SLF1: variants seen among roughly 807,000 people sequenced by gnomAD.
The protein encoded by SLF1 is SMC5/6 complex localization factor 1, also known as SMC5-SMC6 complex localization factor protein 1.
SLF1 carries 105 observed loss-of-function variants against 123.0 expected under a neutral mutation model. That is an observed-to-expected ratio of 0.85 (90% CI 0.73 to 1.00). The LOEUF (loss-of-function observed/expected upper bound fraction) is 1.00, where lower values mean the gene tolerates loss of function less well. SLF1 is among the 50% of genes least tolerant of loss of function. The pLI is 0.00. For synonymous variants in SLF1, 434 were observed against 406.6 expected (o/e 1.07, Z -0.81); for missense variants, 1,239 against 1,223.0 (o/e 1.01, Z -0.20).
At chr5:94,685,996 G>T (rs1022313988) in intron 15 of SLF1, among the ~76,000 whole-genome samples, 1 of 151,478 alleles carries the variant, frequency 6.6e-6, no homozygotes, top group African/African-American at 2.4e-5. Context: ...TCTTTACCTT[G>T]TGCCTTTCTT....
intron 8 of SLF1, 45 bp from the exon 9 acceptor site, chr5:94,654,585 G>A: frequency 6.9e-7 from 1 of 1,458,056 alleles, no homozygotes; most frequent in Non-Finnish European, 9.2e-7. Context: ...TGTTGACACT[G>A]TCTTTAGTAC....
rs1242462396 is a variant in SLF1 at position 94,628,849 on chromosome 5, A to G, written c.39A>G (p.Thr13=). 1 of 1,549,926 alleles carries G rather than the reference A, an allele frequency of 6.5e-7. No homozygotes were observed. The highest frequency in any genetic ancestry group is 2.0e-5 in the Admixed American group (1 of 50,656). ...CCCCAAAGCATATCATCCAGATGAC[A>G]GGATTTAAGATGGAAGAAAAAGAAG... ...DGTPKHIIQM[T]GFKMEEKEAL... Residue 13 remains threonine (T), a synonymous_variant, in exon 2 of 21, where the codon ACA becomes ACG. Coordinates refer to ENST00000265140, the MANE Select transcript of SLF1 (RefSeq NM_032290.4).
chr5:94,668,332 A>C (rs1240865866), intron 12 of SLF1, among the ~76,000 whole-genome samples: 1 of 151,292 alleles, frequency 6.6e-6, no homozygotes, highest in Non-Finnish European at 1.5e-5. Flanking sequence ...TTGTGGTTGT[A>C]GTTTGTTTGT....
intron 12 of SLF1, among the ~76,000 whole-genome samples, chr5:94,669,710 AGT>A (rs1554067858): frequency 6.6e-6 from 1 of 151,784 alleles, no homozygotes; most frequent in East Asian, 1.9e-4. Context: ...ACGCTAAAAA[AGT>A]AGCCCTAAAT....
At chr5:94,681,362 C>T (rs1339068932) in intron 15 of SLF1, among the ~76,000 whole-genome samples, 2 of 152,146 alleles carry the variant, frequency 1.3e-5, no homozygotes, top group African/African-American at 4.8e-5. Flanking sequence ...AAACTCCAGA[C>T]CTCAGGTGAT....
chr5:94,633,237 T>C (rs1745406972), intron 4 of SLF1, among the ~76,000 whole-genome samples: 1 of 152,172 alleles, frequency 6.6e-6, no homozygotes, highest in Admixed American at 6.5e-5. Context: ...TCCGCCCACC[T>C]CGGCCTCCCA....
At position 94,696,079 on chromosome 5, in the gene SLF1, ATTAT is replaced by A. The variant is rs552824157; in HGVS notation, c.*771_*774del. 1.4e-4 allele frequency: 21 copies of A among 151,914 alleles called. No homozygotes were observed. Among genetic ancestry groups the A allele is most frequent in the African/African-American group, 5.1e-4 (21 of 41,512 alleles). 9.4% of individuals were successfully genotyped at this position (151,914 alleles called of 1,614,324 possible). On this transcript the variant is annotated 3_prime_UTR_variant, in exon 21 of 21. Coordinates refer to ENST00000265140, the MANE Select transcript of SLF1 (RefSeq NM_032290.4). ...GTGGCATCTAAGTAATAGATTTGAG[ATTAT>A]TTAAGATCTTAATATATAGTATGAA...
chr5:94,666,221 A>C (rs1749735906), intron 12 of SLF1, among the ~76,000 whole-genome samples, 197 bp downstream of exon 12: 1 of 152,190 alleles, frequency 6.6e-6, no homozygotes, highest in Non-Finnish European at 1.5e-5. Context: ...TCTGTTTCCT[A>C]AAAAAATAAA....
At chr5:94,629,344 A>G (rs1744954531) in intron 3 of SLF1, among the ~76,000 whole-genome samples, 177 bp downstream of exon 3, 2 of 152,138 alleles carry the variant, frequency 1.3e-5, no homozygotes, top group East Asian at 1.9e-4. Context: ...AAATTTTGTA[A>G]CACATGAAAA....
Position 94,654,678 on chromosome 5 carries a change from G to A in SLF1, c.1081G>A (p.Ala361Thr). 1 of 1,545,050 alleles carries A rather than the reference G, an allele frequency of 6.5e-7. No homozygotes were observed. The highest frequency in any genetic ancestry group is 1.2e-5 in the South Asian group (1 of 83,136). Reference protein sequence around the residue: ...IFAEYAKESKAMAIKTDVDVV... With the variant: ...IFAEYAKESKTMAIKTDVDVV... ...TGCTGAATATGCCAAAGAATCAAAA[G>A]CCATGGCTATTAAGACAGATGTGGA... Residue 361 changes from alanine (A) to threonine (T), a missense_variant, in exon 9 of 21, where the codon GCC (alanine) becomes ACC (threonine). Physicochemically the swap from Ala to Thr is moderately conservative, Grantham distance 58 (BLOSUM62 0). Transcript: ENST00000265140.
chr5:94,628,196 A>T (rs531519625), intron 1 of SLF1, among the ~76,000 whole-genome samples: 20 of 151,880 alleles, frequency 1.3e-4, no homozygotes, highest in Non-Finnish European at 2.4e-4. Context: ...CCCAGGCTGG[A>T]GTGCAGTGGC....
At position 94,657,335 on chromosome 5, in the gene SLF1, C is replaced by T. The variant is rs1052135636; in HGVS notation, c.1155+2583C>T. On this transcript the variant is annotated intron_variant, in intron 9 of 20. Coordinates refer to ENST00000265140, the MANE Select transcript of SLF1 (RefSeq NM_032290.4). Reference sequence around the variant, plus strand: ...GTTTAGGAACATGTGATTTTATTTACGTGTATTTGTACAGTTTCCAAAGTT... The same window carrying T: ...GTTTAGGAACATGTGATTTTATTTATGTGTATTTGTACAGTTTCCAAAGTT... Among the ~76,000 whole-genome samples, 37 of 151,986 alleles carry T rather than the reference C, an allele frequency of 2.4e-4. 1 individual carries two copies. The highest frequency in any genetic ancestry group is 7.9e-4 in the African/African-American group (33 of 41,514).
chr5:94,630,597 A>G lies in SLF1; in HGVS notation c.285A>G (p.Glu95=). The change falls in exon 4 of 21, where the codon GAA becomes GAG. Residue 95 remains glutamate, a synonymous_variant. Transcript: ENST00000265140. Reference sequence around the variant, plus strand: ...CTTATGAATGGGGATATAAAATTGAAAAAGATTCCCGTTATTCACCTCAAA... The same window carrying G: ...CTTATGAATGGGGATATAAAATTGAGAAAGATTCCCGTTATTCACCTCAAA... ...ETTYEWGYKI[E]KDSRYSPQMQ... is the part of the protein sequence containing the mutation. 6.4e-7 allele frequency: 1 copy of G among 1,551,708 alleles called. No individual in the cohort carries two copies. Among genetic ancestry groups the G allele is most frequent in the Non-Finnish European group, 8.7e-7 (1 of 1,146,994 alleles).
chr5:94,643,195 G>T (rs1746643409), intron 4 of SLF1, 78 bp from the exon 5 acceptor site: 3 of 1,192,886 alleles, frequency 2.5e-6, no homozygotes, highest in Non-Finnish European at 3.5e-6. Context: ...GTACTCCTAA[G>T]AAATAATTAA....
At chr5:94,618,274 G>A (rs765318490), upstream of SLF1, 1 of 152,248 alleles carries the variant, frequency 6.6e-6, no homozygotes, top group Non-Finnish European at 1.5e-5. Flanking sequence ...GGTGACCCGA[G>A]GTCGAGTTCC....
intron 4 of SLF1, among the ~76,000 whole-genome samples, chr5:94,638,101 T>G (rs575403702): frequency 1.5e-3 from 236 of 152,286 alleles, no homozygotes; most frequent in African/African-American, 5.4e-3. Context: ...TGATGGCAGG[T>G]ATGTTGCGCT....
At chr5:94,689,682 T>C in intron 18 of SLF1, 76 bp downstream of exon 18, 2 of 1,351,610 alleles carry the variant, frequency 1.5e-6, no homozygotes, top group Admixed American at 4.2e-5. Context: ...TTTCACACAT[T>C]TGCCCTGATG....
At chr5:94,666,467 T>C (rs773385149) in intron 12 of SLF1, among the ~76,000 whole-genome samples, 12 of 152,212 alleles carry the variant, frequency 7.9e-5, no homozygotes, top group Non-Finnish European at 1.6e-4. Context: ...ATTTCCTAAA[T>C]ATGTCATCTC....
At chr5:94,669,025 G>T (rs1270538292) in intron 12 of SLF1, among the ~76,000 whole-genome samples, 1 of 152,154 alleles carries the variant, frequency 6.6e-6, no homozygotes, top group African/African-American at 2.4e-5. Flanking sequence ...TGCTGTAGGT[G>T]ATAGATTTTG....
Sources: allele counts gnomAD v4.1 joint callset (sites outside exome capture counted in the v4.1 genomes callset), GRCh38; gene constraint gnomAD v4.1.1; transcripts MANE v1.5; gene names NCBI Gene and HGNC (gene_info 2026-07-23, HGNC 2026-07-21).